Variants in MTOR observed in about 807,000 individuals in gnomAD.
MTOR encodes the protein mechanistic target of rapamycin kinase.
Under a neutral mutation model 319.8 loss-of-function variants are expected in MTOR, and 70 were observed. The observed-to-expected ratio is 0.22, with a 90% CI of 0.18 to 0.27. The LOEUF is 0.27. Ranked by LOEUF, MTOR falls within the 10% of genes least tolerant of loss-of-function variation. MTOR has a pLI of 1.00. For missense variants in MTOR, 1,890 were observed against 3,274.4 expected (o/e 0.58, Z 10.32); for synonymous variants, 1,183 against 1,211.4 (o/e 0.98, Z 0.49).
chr1:11,187,170 A>G lies in MTOR; in HGVS notation c.4253+12088T>C, dbSNP rs1387477342. 3.9e-5 allele frequency among the ~76,000 whole-genome samples: 6 copies of G among 152,318 alleles called. 1 individual carries two copies. In the East Asian group the frequency reaches 1.2e-3, roughly 29 times the overall value. ...AACAAAAGCTGGCTAGAACTCCACA[A>G]AGTTCCACTGTTCTTTTGTGCTTTC... On this transcript the variant is annotated intron_variant, in intron 28 of 57. Coordinates refer to ENST00000361445, the MANE Select transcript of MTOR (RefSeq NM_004958.4).
chr1:11,196,148 A>T (rs1011505637), intron 28 of MTOR, among the ~76,000 whole-genome samples: 2 of 152,182 alleles, frequency 1.3e-5, no homozygotes, highest in African/African-American at 4.8e-5. Flanking sequence ...AAAGGGCAGC[A>T]ACCAGGACAA....
At chr1:11,126,586 G>C in intron 46 of MTOR, 36 bp downstream of exon 46, 2 of 1,606,054 alleles carry the variant, frequency 1.2e-6, no homozygotes, top group Non-Finnish European at 1.7e-6. Context: ...GTGTAGGAGG[G>C]AGAAGTGGGT....
At chr1:11,246,616 G>A (rs370924390) in intron 8 of MTOR, among the ~76,000 whole-genome samples, 1 of 152,266 alleles carries the variant, frequency 6.6e-6, no homozygotes, top group South Asian at 2.1e-4. Flanking sequence ...GCTGGGTGGC[G>A]TGAAGTGAGT....
chr1:11,258,002 C>G (rs191040645), intron 3 of MTOR, among the ~76,000 whole-genome samples: 1 of 150,560 alleles, frequency 6.6e-6, no homozygotes, highest in Non-Finnish European at 1.5e-5. Flanking sequence ...CCCAGCTACT[C>G]GGGAGGCTGA....
chr1:11,184,374 AT>A (rs1445011233), intron 28 of MTOR, among the ~76,000 whole-genome samples: 1 of 152,194 alleles, frequency 6.6e-6, no homozygotes, highest in Non-Finnish European at 1.5e-5. Flanking sequence ...CCGTCAGGGT[AT>A]TTAATATGAA....
rs77894861 is a variant in MTOR, at chr1:11,229,620, T to C, written c.2780-702A>G. ...GAAGAGGAAGAAATGTGAAGCAATA[T>C]GATCCCATCTAGAAAGTTCAGAAAC... On this transcript the variant is annotated intron_variant, in intron 18 of 57. Coordinates refer to ENST00000361445, the MANE Select transcript of MTOR (RefSeq NM_004958.4). Among the ~76,000 whole-genome samples the C allele has an allele frequency of 6.1e-3, 923 of 152,300 alleles. 10 individuals carry two copies. Among genetic ancestry groups the C allele is most frequent in the African/African-American group, 0.021 (869 of 41,540 alleles).
chr1:11,226,799 G>C (rs1471883216), intron 19 of MTOR, among the ~76,000 whole-genome samples: 1 of 151,974 alleles, frequency 6.6e-6, no homozygotes, highest in African/African-American at 2.4e-5. Context: ...CAAAAACATG[G>C]TAGTAGAGGT....
intron 25 of MTOR, among the ~76,000 whole-genome samples, chr1:11,208,546 A>C (rs1646212684): frequency 6.6e-6 from 1 of 152,258 alleles, no homozygotes; most frequent in Non-Finnish European, 1.5e-5. Context: ...GAAAAATAAC[A>C]CTGAAATCTA....
Position 11,199,422 on chromosome 1 carries a change from T to TCA in MTOR, c.4108-21_4108-20dup, listed in dbSNP as rs770052469. 1.2e-6 allele frequency: 2 copies of TCA among 1,614,082 alleles called. No homozygotes were observed. The highest frequency in any genetic ancestry group is 4.5e-5 in the East Asian group (2 of 44,872). ...GGGGGCCCTGGAGAAGAGCAAAACC[T>TCA]CACAGCACAGGAAAATGGCAGATGG... On this transcript the variant is annotated intron_variant, in intron 27 of 57. Coordinates refer to ENST00000361445, the MANE Select transcript of MTOR (RefSeq NM_004958.4). The surrounding 1 kb of genome is among the most constrained non-coding windows in gnomAD (Gnocchi z 4.5).
At chr1:11,143,245 G>T (rs998816965) in intron 34 of MTOR, among the ~76,000 whole-genome samples, 1 of 152,230 alleles carries the variant, frequency 6.6e-6, no homozygotes, top group African/African-American at 2.4e-5. Context: ...AGTCACGAAG[G>T]CTTAAGGTGG....
rs749170708 is a variant in MTOR, at chr1:11,210,795, G to A, written c.3654+19C>T. On this transcript the variant is annotated intron_variant, in intron 24 of 57. Coordinates refer to ENST00000361445, the MANE Select transcript of MTOR (RefSeq NM_004958.4). Reference sequence around the variant, plus strand: ...TAAAGACAACAGGGACTTCAGAACAGAAAAGAAGTATAGTTCACCTTGACA... The same window carrying A: ...TAAAGACAACAGGGACTTCAGAACAAAAAAGAAGTATAGTTCACCTTGACA... 2 of 1,565,852 alleles carry A rather than the reference G, an allele frequency of 1.3e-6. No individual in the cohort carries two copies. Among genetic ancestry groups the A allele is most frequent in the Non-Finnish European group, 1.8e-6 (2 of 1,140,496 alleles).
intron 28 of MTOR, among the ~76,000 whole-genome samples, chr1:11,190,293 G>A (rs1023311738): frequency 2.6e-5 from 4 of 152,150 alleles, no homozygotes; most frequent in African/African-American, 7.2e-5. Context: ...GAGCTGACAG[G>A]CTATATCTCA....
At chr1:11,112,756 T>A (rs1641956840) in intron 54 of MTOR, 96 bp downstream of exon 54, 1 of 1,285,602 alleles carries the variant, frequency 7.8e-7, no homozygotes, top group Non-Finnish European at 1.1e-6. Flanking sequence ...CTCTGTAACG[T>A]CCTGCGGGAT....
At position 11,189,619 on chromosome 1, in the gene MTOR, A is replaced by G. The variant is rs766763173; in HGVS notation, c.4253+9639T>C. ...TCTCTCAGCTGTGACCTGGCTCTGC[A>G]TTTTCATCGTGGCCTTTGTCAGCCA... On this transcript the variant is annotated intron_variant, in intron 28 of 57. Transcript: ENST00000361445. 41 of 1,613,516 alleles carry G rather than the reference A, an allele frequency of 2.5e-5. No homozygotes were observed. The highest frequency in any genetic ancestry group is 3.3e-5 in the Non-Finnish European group (39 of 1,179,842).
At chr1:11,228,400 G>C (rs1000794619) in intron 19 of MTOR, among the ~76,000 whole-genome samples, 1 of 152,088 alleles carries the variant, frequency 6.6e-6, no homozygotes, top group Admixed American at 6.5e-5. Context: ...TGTTGGCCAG[G>C]CTGGTCTCAA....
intron 19 of MTOR, among the ~76,000 whole-genome samples, chr1:11,225,127 G>A (rs1363690253): frequency 2.0e-5 from 3 of 152,086 alleles, no homozygotes. Context: ...GATTATTAGT[G>A]ATAACTGCAT....
chr1:11,145,027 C>T lies in MTOR; in HGVS notation c.4705G>A (p.Asp1569Asn), dbSNP rs1282753680. Residue 1569 changes from aspartate to asparagine, a missense_variant, in exon 33 of 58, where the codon GAC (aspartate) becomes AAC (asparagine). Physicochemically the swap from Asp to Asn is conservative, Grantham distance 23. Transcript: ENST00000361445. ...GCAGTTAATTCAGCATCCAGCAGGT[C>T]CCTGGCCTTGTCAATGCACTAGAAG... ...LAQQCIDKAR[D>N]LLDAELTAMA... 2 of 1,614,010 alleles carry T rather than the reference C, an allele frequency of 1.2e-6. No homozygotes were observed. The highest frequency in any genetic ancestry group is 1.3e-5 in the African/African-American group (1 of 74,914).
At chr1:11,229,046 A>G in intron 18 of MTOR, 128 bp from the exon 19 acceptor site, 1 of 1,228,008 alleles carries the variant, frequency 8.1e-7, no homozygotes, top group Non-Finnish European at 1.2e-6. Flanking sequence ...AGTATGTTCT[A>G]ACACTGTTGG....
At chr1:11,245,754 T>TA (rs1415152879) in intron 8 of MTOR, among the ~76,000 whole-genome samples, 4 of 152,000 alleles carry the variant, frequency 2.6e-5, no homozygotes, top group African/African-American at 9.7e-5. Context: ...AAAATAAATT[T>TA]AAAAAATTAG....
Sources: allele counts gnomAD v4.1 joint callset (sites outside exome capture counted in the v4.1 genomes callset), GRCh38; gene constraint gnomAD v4.1.1; non-coding constraint Gnocchi (gnomAD v3.1); transcripts MANE v1.5; gene names NCBI Gene and HGNC (gene_info 2026-07-23, HGNC 2026-07-21).